The following TEAD1 variants were observed in gnomAD, a reference collection of about 807,000 sequenced individuals.
TEAD1 encodes transcriptional enhancer factor TEF-1.
Under a neutral mutation model 54.9 loss-of-function variants are expected in TEAD1, and 9 were observed. That is an observed-to-expected ratio of 0.16 (90% CI 0.10 to 0.29). The LOEUF (loss-of-function observed/expected upper bound fraction) is 0.29, where lower values mean the gene tolerates loss of function less well. Among genes scored for constraint, TEAD1 ranks in the 10% least tolerant of loss-of-function variants. TEAD1 has a pLI of 1.00. For synonymous variants in TEAD1, 200 were observed against 187.8 expected, an observed-to-expected ratio of 1.07 and a Z score of -0.53; for missense variants, 387 against 535.9, an observed-to-expected ratio of 0.72 and a Z score of 2.74.
At chr11:12,899,207 G>A (rs190578852) in intron 9 of TEAD1, among the ~76,000 whole-genome samples, 2 of 152,246 alleles carry the variant, frequency 1.3e-5, no homozygotes, top group South Asian at 2.1e-4. Context: ...GGACAGAAGC[G>A]GTGCCTTCTG....
At chr11:12,806,545 C>T (rs10734203) in intron 3 of TEAD1, among the ~76,000 whole-genome samples, 131,545 of 152,154 alleles carry the variant, frequency 0.86, 60,148 homozygotes, top group East Asian at 1. Flanking sequence ...GGAAGATGGC[C>T]AGAAGAAGAC....
At chr11:12,783,729 G>C (rs1048057663) in intron 3 of TEAD1, among the ~76,000 whole-genome samples, 2 of 152,210 alleles carry the variant, frequency 1.3e-5, no homozygotes, top group African/African-American at 4.8e-5. Context: ...GTGGAAGAGA[G>C]AGAAAGCTGA....
chr11:12,729,057 C>G (rs1174272041), intron 2 of TEAD1, among the ~76,000 whole-genome samples: 2 of 151,660 alleles, frequency 1.3e-5, no homozygotes, highest in South Asian at 2.1e-4. Flanking sequence ...GAGTGATTCT[C>G]TCTAATATTA....
intron 9 of TEAD1, among the ~76,000 whole-genome samples, chr11:12,901,087 A>G (rs1948419090): frequency 1.3e-5 from 2 of 152,154 alleles, no homozygotes; most frequent in Non-Finnish European, 2.9e-5. Context: ...AGTTTAATCC[A>G]GATTATGCCC....
intron 9 of TEAD1, among the ~76,000 whole-genome samples, chr11:12,892,034 G>C (rs547896492): frequency 9.2e-5 from 14 of 152,326 alleles, no homozygotes; most frequent in African/African-American, 3.1e-4. Context: ...CCCCTCTGGG[G>C]GACTGGCAGG....
chr11:12,731,125 C>T (rs890068347), intron 2 of TEAD1, among the ~76,000 whole-genome samples: 2 of 152,164 alleles, frequency 1.3e-5, no homozygotes, highest in Non-Finnish European at 2.9e-5. Context: ...GATAGGGTCT[C>T]TTAGAATCTT....
At chr11:12,713,980 T>G (rs1564915437) in intron 2 of TEAD1, among the ~76,000 whole-genome samples, 1 of 152,198 alleles carries the variant, frequency 6.6e-6, no homozygotes, top group South Asian at 2.1e-4. Flanking sequence ...TGGCCTAACT[T>G]GCACATTCCT....
At chr11:12,851,667 G>A (rs577599344) in intron 3 of TEAD1, among the ~76,000 whole-genome samples, 1 of 152,158 alleles carries the variant, frequency 6.6e-6, no homozygotes, top group Non-Finnish European at 1.5e-5. Flanking sequence ...AGACATGGTG[G>A]CGGGCAACTG....
chr11:12,677,462 T>C (rs1032105683), intron 2 of TEAD1, among the ~76,000 whole-genome samples: 2 of 152,194 alleles, frequency 1.3e-5, no homozygotes, highest in Admixed American at 6.5e-5. Flanking sequence ...TATACTCACT[T>C]GGGAGACTGG....
rs559853860 is a variant in TEAD1, at chr11:12,809,961, C to G, written c.202+45527C>G. On this transcript the variant is annotated intron_variant, in intron 3 of 12. Coordinates refer to ENST00000527636, the MANE Select transcript of TEAD1 (RefSeq NM_021961.6). ...GGTGTGGAGGAGGAAAGAAAGAAAA[C>G]TCTTTCCCCATTCTTTTTTTTTTTT... Among the ~76,000 whole-genome samples, 8 of 140,802 alleles carry G rather than the reference C, an allele frequency of 5.7e-5. No individual in the cohort carries two copies. The South Asian group carries it at 1.6e-3, about 28-fold the overall frequency. 92.4% of individuals were successfully genotyped at this position (140,802 alleles called of 152,430 possible). A position where few individuals can be genotyped will look rare whatever the true frequency, so the allele number is the denominator to read the frequency against.
chr11:12,879,862 C>T lies in TEAD1; in HGVS notation c.465+20C>T, dbSNP rs1365843512. The T allele has an allele frequency of 2.5e-6, 4 of 1,612,374 alleles. No homozygotes were observed. In the African/African-American group the frequency reaches 4.0e-5, roughly 16 times the overall value. On this transcript the variant is annotated intron_variant, in intron 6 of 12. Coordinates refer to ENST00000527636, the MANE Select transcript of TEAD1 (RefSeq NM_021961.6). ...CCGGGGGTAAGTCATGAGCTCAGTC[C>T]AGTAATGACAGCTGCTGGGGTTGGG...
At chr11:12,702,303 A>C (rs988555476) in intron 2 of TEAD1, among the ~76,000 whole-genome samples, 3 of 152,106 alleles carry the variant, frequency 2.0e-5, no homozygotes, top group African/African-American at 7.2e-5. Context: ...GCGTGTTACT[A>C]TCTGAGAACA....
At chr11:12,702,538 G>A (rs1242683056) in intron 2 of TEAD1, among the ~76,000 whole-genome samples, 1 of 152,208 alleles carries the variant, frequency 6.6e-6, no homozygotes, top group Non-Finnish European at 1.5e-5. Flanking sequence ...TTGAGGCTCA[G>A]AGAAATGCAC....
In TEAD1 at chr11:12,793,411, TATCTTTGCTA is replaced by T. The variant is rs1222965264; in HGVS notation, c.202+28978_202+28987del. Among the ~76,000 whole-genome samples the T allele has an allele frequency of 2.6e-5, 4 of 152,366 alleles. No individual in the cohort carries two copies. The East Asian group carries it at 7.7e-4, about 29-fold the overall frequency. On this transcript the variant is annotated intron_variant, in intron 3 of 12. Coordinates refer to ENST00000527636, the MANE Select transcript of TEAD1 (RefSeq NM_021961.6). Reference sequence around the variant, plus strand: ...AGTGCTGGATATTTAGGTTTTTAAATATCTTTGCTATTTTAGAGGTAGAAAATATCTTATA... The same window carrying T: ...AGTGCTGGATATTTAGGTTTTTAAATTTTTAGAGGTAGAAAATATCTTATA...
intron 3 of TEAD1, among the ~76,000 whole-genome samples, chr11:12,820,133 G>C (rs1306246893): frequency 6.6e-6 from 1 of 152,198 alleles, no homozygotes; most frequent in Non-Finnish European, 1.5e-5. Flanking sequence ...CATCAGTGCA[G>C]AGCCACACAG....
At chr11:12,733,286 C>T (rs950961935) in intron 2 of TEAD1, among the ~76,000 whole-genome samples, 4 of 152,202 alleles carry the variant, frequency 2.6e-5, no homozygotes, top group African/African-American at 9.6e-5. Flanking sequence ...GCAGCATTTC[C>T]TAACCTCAGA....
intron 3 of TEAD1, among the ~76,000 whole-genome samples, chr11:12,831,291 C>G (rs1217515707): frequency 6.6e-6 from 1 of 152,144 alleles, no homozygotes; most frequent in Non-Finnish European, 1.5e-5. Flanking sequence ...TAGAGCTTGT[C>G]CTTCTCCTGC....
intron 11 of TEAD1, 96 bp from the exon 12 acceptor site, chr11:12,930,077 TG>T: frequency 6.9e-7 from 1 of 1,442,594 alleles, no homozygotes; most frequent in African/African-American, 1.4e-5. Flanking sequence ...AGATGATTCA[TG>T]TTGAAAAACT....
intron 3 of TEAD1, among the ~76,000 whole-genome samples, chr11:12,810,464 C>G (rs1183945251): frequency 6.6e-6 from 1 of 152,156 alleles, no homozygotes; most frequent in Admixed American, 6.5e-5. Flanking sequence ...TAGGGGTGTG[C>G]TGGGAGAACT....
Sources: gnomAD v4.1 joint callset for allele counts (sites outside exome capture counted in the v4.1 genomes callset) on GRCh38, gnomAD v4.1.1 for gene constraint, MANE v1.5 for transcripts, NCBI Gene and HGNC (gene_info 2026-07-23, HGNC 2026-07-21) for gene names.